Variants in TTLL6 observed in about 807,000 individuals in gnomAD.
The protein encoded by TTLL6 is tubulin tyrosine ligase like 6.
In TTLL6, 75 loss-of-function variants were observed where a neutral mutation model predicts 96.4. That is an observed-to-expected ratio of 0.78 (90% CI 0.65 to 0.94). TTLL6 has a LOEUF of 0.94. TTLL6 is among the 40% of genes least tolerant of loss of function. The pLI is 0.00. For missense variants in TTLL6, 1,030 were observed against 1,093.0 expected (o/e 0.94, Z 0.81); for synonymous variants, 411 against 419.4 (o/e 0.98, Z 0.24).
chr17:48,768,313 C>G (rs2038656278), intron 15 of TTLL6, among the ~76,000 whole-genome samples: 1 of 152,046 alleles, frequency 6.6e-6, no homozygotes, highest in African/African-American at 2.4e-5. Context: ...CTCTGTCACC[C>G]AGGCTGGAGT....
intron 8 of TTLL6, among the ~76,000 whole-genome samples, chr17:48,795,280 C>T (rs1233456107): frequency 4.7e-5 from 7 of 150,484 alleles, no homozygotes; most frequent in South Asian, 2.1e-4. Context: ...GAGCCAAGAT[C>T]GCACCACTGC....
chr17:48,772,054 G>A (rs1373322561), intron 13 of TTLL6, among the ~76,000 whole-genome samples: 1 of 151,466 alleles, frequency 6.6e-6, no homozygotes, highest in Admixed American at 6.6e-5. Flanking sequence ...CAGAAGCCTG[G>A]GTAACAAAGC....
chr17:48,802,332 T>C (rs2039441140), intron 3 of TTLL6, among the ~76,000 whole-genome samples: 1 of 152,218 alleles, frequency 6.6e-6, no homozygotes, highest in Non-Finnish European at 1.5e-5. Context: ...AAACTAATCC[T>C]TAACATTAGC....
intron 1 of TTLL6, among the ~76,000 whole-genome samples, chr17:48,809,102 G>A (rs1204205314): frequency 1.3e-5 from 2 of 152,166 alleles, no homozygotes; most frequent in African/African-American, 4.8e-5. Context: ...TACAATGAGA[G>A]GGATGGCAGA....
intron 1 of TTLL6, among the ~76,000 whole-genome samples, chr17:48,806,622 A>G (rs2039508980): frequency 6.6e-6 from 1 of 152,108 alleles, no homozygotes; most frequent in South Asian, 2.1e-4. Context: ...TATCATTGAA[A>G]GAATATAACA....
chr17:48,815,719 G>A (rs1403751934), intron 1 of TTLL6: 1 of 152,238 alleles, frequency 6.6e-6, no homozygotes, highest in Non-Finnish European at 1.5e-5. Flanking sequence ...TAACAAGGGA[G>A]GGATGGGGCA....
At chr17:48,764,125 G>A (rs911124772) in intron 15 of TTLL6, among the ~76,000 whole-genome samples, 3 of 151,742 alleles carry the variant, frequency 2.0e-5, no homozygotes, top group Non-Finnish European at 4.4e-5. Flanking sequence ...GACACAGTGA[G>A]AACCTGACTC....
intron 1 of TTLL6, among the ~76,000 whole-genome samples, chr17:48,815,029 C>T (rs2039649165): frequency 6.6e-6 from 1 of 152,188 alleles, no homozygotes; most frequent in Non-Finnish European, 1.5e-5. Flanking sequence ...CAGCCCACCT[C>T]AGCCTCCCAA....
intron 5 of TTLL6, among the ~76,000 whole-genome samples, chr17:48,800,451 A>G (rs931550365): frequency 1.3e-5 from 2 of 152,214 alleles, no homozygotes; most frequent in Non-Finnish European, 2.9e-5. Flanking sequence ...CTTAACTGCA[A>G]TGTTCCTCAG....
At chr17:48,796,919 C>T (rs1030278359) in intron 7 of TTLL6, 142 bp downstream of exon 7, 3 of 930,168 alleles carry the variant, frequency 3.2e-6, no homozygotes, top group Admixed American at 5.9e-5. Context: ...GGGATCCTGG[C>T]AGCGCTAAAT....
At position 48,784,985 on chromosome 17, in the gene TTLL6, G is replaced by A; in HGVS notation, c.1978C>T (p.Pro660Ser). 2 of 1,614,218 alleles carry A rather than the reference G, an allele frequency of 1.2e-6. No individual in the cohort carries two copies. The highest frequency in any genetic ancestry group is 1.7e-6 in the Non-Finnish European group (2 of 1,180,030). Residue 660 changes from proline to serine, a missense_variant, in exon 13 of 16, where the codon CCC (proline) becomes TCC (serine). Transcript: ENST00000393382. Reference sequence around the variant, plus strand: ...TTGGCCTCCTTGATGCTGAAGTTGGGTTTACTGGGCTCCAACTTCGAGCTG... The same window carrying A: ...TTGGCCTCCTTGATGCTGAAGTTGGATTTACTGGGCTCCAACTTCGAGCTG... ...LSSSKLEPSKPNFSIKEAKSA... is the reference protein window; with the variant it reads ...LSSSKLEPSKSNFSIKEAKSA...
chr17:48,765,850 C>T (rs1413066405), intron 15 of TTLL6: 3 of 152,394 alleles, frequency 2.0e-5, no homozygotes, highest in Admixed American at 6.5e-5. Context: ...TGCCCAGCAC[C>T]ATGACTAATA....
At chr17:48,780,179 C>T (rs2038958761) in intron 13 of TTLL6, among the ~76,000 whole-genome samples, 1 of 151,990 alleles carries the variant, frequency 6.6e-6, no homozygotes. Context: ...GAGTTTTGCT[C>T]TGGTCGCCCA....
intron 10 of TTLL6, 61 bp from the exon 11 acceptor site, chr17:48,788,060 A>G (rs1394523546): frequency 6.5e-7 from 1 of 1,544,286 alleles, no homozygotes; most frequent in African/African-American, 1.4e-5. Context: ...CCTGGAAGGG[A>G]TATGTCCAAG....
At position 48,816,701 on chromosome 17, in the gene TTLL6, C is replaced by T. The variant is rs551423465; in HGVS notation, c.103+269G>A. 2.4e-4 allele frequency among the ~76,000 whole-genome samples: 36 copies of T among 152,220 alleles called. 1 individual carries two copies. The highest frequency in any genetic ancestry group is 8.4e-4 in the African/African-American group (35 of 41,534). ...CCAGGGATCGCTGGTGTCTAAGCGA[C>T]AGCTCCTTGGTGGACTGTGGTTTAG... On this transcript the variant is annotated intron_variant, in intron 1 of 15. Transcript: ENST00000393382.
At chr17:48,791,243 C>T (rs1288973023) in intron 9 of TTLL6, 135 bp downstream of exon 9, 1 of 732,058 alleles carries the variant, frequency 1.4e-6, no homozygotes, top group African/African-American at 1.8e-5. Context: ...AGAGAAGCCC[C>T]AGGCAGCAGG....
chr17:48,808,374 ATG>A (rs149038470), intron 1 of TTLL6, among the ~76,000 whole-genome samples: 5,050 of 148,206 alleles, frequency 0.034, 124 homozygotes, highest in African/African-American at 0.065. Context: ...TCTCATATGT[ATG>A]TGTGTGTGTG....
Position 48,781,591 on chromosome 17 carries a change from T to C in TTLL6, c.2040+3332A>G, listed in dbSNP as rs113513687. On this transcript the variant is annotated intron_variant, in intron 13 of 15. Transcript: ENST00000393382. Reference sequence around the variant, plus strand: ...ATCTTTTCATGCTATTGGCCATTTGTTTATCTTCTTTAGAAAAATGTTTGT... The same window carrying C: ...ATCTTTTCATGCTATTGGCCATTTGCTTATCTTCTTTAGAAAAATGTTTGT... Among the ~76,000 whole-genome samples the C allele has an allele frequency of 5.0e-3, 764 of 152,308 alleles. 5 individuals carry two copies. Among genetic ancestry groups the C allele is most frequent in the African/African-American group, 0.017 (713 of 41,566 alleles).
rs1384014290 is a variant in TTLL6 at position 48,785,115 on chromosome 17, G to A, written c.1848C>T (p.Ser616=). The A allele has an allele frequency of 1.2e-6, 2 of 1,614,038 alleles. No individual in the cohort carries two copies. Among genetic ancestry groups the A allele is most frequent in the African/African-American group, 2.7e-5 (2 of 74,908 alleles). ...RGERKNETDS[S]LNQEAPTEEA... ...CCTCCGTGGGAGCCTCCTGGTTGAG[G>A]CTGCTGTCTGTTTCATTTTTCCTTT... is the stretch of plus-strand genomic sequence containing the variant. Residue 616 remains serine, a synonymous_variant, in exon 13 of 16, where the codon AGC becomes AGT. Coordinates refer to ENST00000393382, the MANE Select transcript of TTLL6 (RefSeq NM_001130918.3).
Sources: allele counts gnomAD v4.1 joint callset (sites outside exome capture counted in the v4.1 genomes callset), GRCh38; gene constraint gnomAD v4.1.1; transcripts MANE v1.5; gene names NCBI Gene and HGNC (gene_info 2026-07-23, HGNC 2026-07-21).